Variants in SLC4A4 observed in about 807,000 individuals in gnomAD.
The protein encoded by SLC4A4 is solute carrier family 4 member 4.
Under a neutral mutation model 111.5 loss-of-function variants are expected in SLC4A4, and 27 were observed. The ratio of observed to expected loss-of-function variants is 0.24; its 90% CI spans 0.18 to 0.33. The LOEUF is 0.33. SLC4A4 is among the 10% of genes least tolerant of loss of function. The pLI is 1.00. For synonymous variants in SLC4A4, 443 were observed against 463.4 expected, an observed-to-expected ratio of 0.96 and a Z score of 0.57; for missense variants, 909 against 1,315.5, an observed-to-expected ratio of 0.69 and a Z score of 4.78.
rs544146361 is a variant in SLC4A4, at chr4:71,178,294, A to T, written c.-1-58282A>T. On this transcript the variant is annotated intron_variant, in intron 2 of 26. Transcript: ENST00000649996. The stretch of plus-strand genomic sequence containing the variant: ...AAAACTTAAAGTATAAAAAAAAAAG[A>T]ACTAGAGAAGCAAGAGCAAACACAT... Among the ~76,000 whole-genome samples the T allele has an allele frequency of 5.9e-5, 9 of 152,226 alleles. No homozygotes were observed. The South Asian group carries it at 1.7e-3, about 28-fold the overall frequency.
At chr4:71,508,724 T>C (rs1446841434) in intron 16 of SLC4A4, among the ~76,000 whole-genome samples, 3 of 152,074 alleles carry the variant, frequency 2.0e-5, no homozygotes, top group African/African-American at 7.2e-5. Context: ...ATTCCATAAA[T>C]TAAAAGGAGA....
Position 71,493,181 on chromosome 4 carries a change from C to A in SLC4A4, c.1975-4320C>A, listed in dbSNP as rs942670034. Among the ~76,000 whole-genome samples the A allele has an allele frequency of 2.6e-5, 4 of 151,856 alleles. No individual in the cohort carries two copies. In the East Asian group the frequency reaches 7.8e-4, roughly 30 times the overall value. ...TTAGCAAACAAAAATAAAACATGCCCAGTTAAAGATGAATTTTAAATAAAT... is the reference window on the plus strand; with the variant it reads ...TTAGCAAACAAAAATAAAACATGCCAAGTTAAAGATGAATTTTAAATAAAT... On this transcript the variant is annotated intron_variant, in intron 15 of 25. Coordinates refer to ENST00000264485, the MANE Select transcript of SLC4A4 (RefSeq NM_001098484.3).
At chr4:71,092,611 A>G (rs752020898) in intron 1 of SLC4A4, among the ~76,000 whole-genome samples, 5 of 152,242 alleles carry the variant, frequency 3.3e-5, no homozygotes, top group Non-Finnish European at 7.3e-5. Flanking sequence ...AGAACCTGAA[A>G]GGAGGGCAAG....
rs561975239 is a variant in SLC4A4, at chr4:71,495,804, G to A, written c.1975-1697G>A. 3.6e-3 allele frequency among the ~76,000 whole-genome samples: 549 copies of A among 152,126 alleles called. 5 individuals carry two copies. Among genetic ancestry groups the A allele is most frequent in the African/African-American group, 0.013 (528 of 41,524 alleles). On this transcript the variant is annotated intron_variant, in intron 15 of 25. Transcript: ENST00000264485. Reference sequence around the variant, plus strand: ...GTGTTTTCAAATAACTCTTCTGATAGCATATGACATATCCATTAGCCCTGG... The same window carrying A: ...GTGTTTTCAAATAACTCTTCTGATAACATATGACATATCCATTAGCCCTGG...
At chr4:71,546,957 C>T (rs547274128) in intron 19 of SLC4A4, among the ~76,000 whole-genome samples, 16 of 151,978 alleles carry the variant, frequency 1.1e-4, no homozygotes, top group Non-Finnish European at 1.9e-4. Flanking sequence ...ACTTTAACCT[C>T]CAGACGTTCA....
intron 3 of SLC4A4, chr4:71,300,995 TG>T: frequency 8.6e-6 from 4 of 464,394 alleles, no homozygotes; most frequent in Non-Finnish European, 8.8e-6. Flanking sequence ...AGTGCCAGAG[TG>T]GGGGCCCCCT....
intron 7 of SLC4A4, among the ~76,000 whole-genome samples, chr4:71,420,959 T>C (rs1278363597): frequency 6.7e-6 from 1 of 148,542 alleles, no homozygotes; most frequent in East Asian, 2.0e-4. Flanking sequence ...AACATCATAA[T>C]GACAGGATCC....
intron 17 of SLC4A4, among the ~76,000 whole-genome samples, chr4:71,533,158 C>T (rs561529262): frequency 5.9e-5 from 9 of 152,202 alleles, no homozygotes; most frequent in African/African-American, 2.2e-4. Flanking sequence ...TATGTTATAA[C>T]ACACATTATT....
intron 21 of SLC4A4, among the ~76,000 whole-genome samples, chr4:71,556,549 G>C (rs1290247392): frequency 6.6e-6 from 1 of 151,930 alleles, no homozygotes; most frequent in Admixed American, 6.6e-5. Context: ...ACATAATAAT[G>C]ATGGGGAAAA....
At chr4:71,095,697 G>T (rs1742525402) in intron 2 of SLC4A4, among the ~76,000 whole-genome samples, 1 of 152,146 alleles carries the variant, frequency 6.6e-6, no homozygotes, top group African/African-American at 2.4e-5. Context: ...AACAAGAAGG[G>T]TATGGCTCCT....
At chr4:71,065,754 T>C (rs1741502766) in intron 1 of SLC4A4, among the ~76,000 whole-genome samples, 1 of 152,172 alleles carries the variant, frequency 6.6e-6, no homozygotes, top group South Asian at 2.1e-4. Flanking sequence ...TCAGTTATCA[T>C]TTCAATGTCA....
chr4:71,081,861 G>A (rs974449324), intron 1 of SLC4A4, among the ~76,000 whole-genome samples: 2 of 152,042 alleles, frequency 1.3e-5, no homozygotes, highest in African/African-American at 4.8e-5. Context: ...GTGGTGGGAA[G>A]GCTTGTGCCC....
At chr4:71,516,411 A>G (rs570824354) in intron 16 of SLC4A4, among the ~76,000 whole-genome samples, 1 of 152,082 alleles carries the variant, frequency 6.6e-6, no homozygotes, top group East Asian at 1.9e-4. Flanking sequence ...GATTTCTGTT[A>G]GTGGTACTAT....
intron 1 of SLC4A4, among the ~76,000 whole-genome samples, chr4:71,233,560 T>C (rs1222986009): frequency 6.6e-6 from 1 of 152,170 alleles, no homozygotes; most frequent in African/African-American, 2.4e-5. Flanking sequence ...TCTTCCTGGA[T>C]GATCTCATCC....
intron 14 of SLC4A4, among the ~76,000 whole-genome samples, chr4:71,480,020 CTTTT>C (rs34425929): frequency 4.9e-4 from 63 of 127,394 alleles, no homozygotes; most frequent in Middle Eastern, 4.0e-3. Context: ...ATATGCCCAT[CTTTT>C]TTTTTTTTTT....
At chr4:71,109,385 C>T (rs890588987) in intron 2 of SLC4A4, among the ~76,000 whole-genome samples, 4 of 151,836 alleles carry the variant, frequency 2.6e-5, no homozygotes, top group African/African-American at 9.7e-5. Flanking sequence ...CTGGAAGTCA[C>T]TTCAACCAAA....
At chr4:71,219,479 A>T (rs1483564092) in intron 1 of SLC4A4, among the ~76,000 whole-genome samples, 14 of 152,226 alleles carry the variant, frequency 9.2e-5, no homozygotes, top group African/African-American at 3.4e-4. Flanking sequence ...AAAAGCTCTG[A>T]TAAAGAGGTA....
chr4:71,363,151 A>C (rs1015744339), intron 6 of SLC4A4, among the ~76,000 whole-genome samples: 2 of 152,178 alleles, frequency 1.3e-5, no homozygotes, highest in African/African-American at 4.8e-5. Context: ...TTAAAAGCAT[A>C]GTCTATTGCT....
At chr4:71,273,542 G>T (rs1214532467) in intron 3 of SLC4A4, among the ~76,000 whole-genome samples, 1 of 152,152 alleles carries the variant, frequency 6.6e-6, no homozygotes, top group African/African-American at 2.4e-5. Context: ...TTTGGAAAAG[G>T]TCAGTCTCAT....
Sources: allele counts gnomAD v4.1 joint callset (sites outside exome capture counted in the v4.1 genomes callset), GRCh38; gene constraint gnomAD v4.1.1; transcripts MANE v1.5; gene names NCBI Gene and HGNC (gene_info 2026-07-23, HGNC 2026-07-21).